Variants in SLC17A5 observed in about 807,000 individuals in gnomAD.
SLC17A5 encodes the protein sialin.
SLC17A5 carries 47 observed loss-of-function variants against 59.4 expected under a neutral mutation model. That is an observed-to-expected ratio of 0.79 (90% CI 0.63 to 1.01). SLC17A5 has a LOEUF of 1.01. Among genes scored for constraint, SLC17A5 ranks in the 50% least tolerant of loss-of-function variants. The pLI is 0.00. For missense variants in SLC17A5, 522 were observed against 595.5 expected, an observed-to-expected ratio of 0.88 and a Z score of 1.28; for synonymous variants, 202 against 210.7, an observed-to-expected ratio of 0.96 and a Z score of 0.36.
At chr6:73,612,922 C>T (rs767993189) in intron 8 of SLC17A5, among the ~76,000 whole-genome samples, 2 of 151,924 alleles carry the variant, frequency 1.3e-5, no homozygotes, top group African/African-American at 2.4e-5. Context: ...GGTGCTGTGG[C>T]GTGACCTGTA....
intron 8 of SLC17A5, among the ~76,000 whole-genome samples, chr6:73,613,464 C>G (rs546672911): frequency 6.6e-6 from 1 of 152,144 alleles, no homozygotes; most frequent in Admixed American, 6.5e-5. Context: ...CTCCTGGGTT[C>G]AAGCAATTCT....
intron 9 of SLC17A5, among the ~76,000 whole-genome samples, chr6:73,601,732 T>G (rs1581955052): frequency 4.7e-5 from 5 of 106,174 alleles, no homozygotes; most frequent in Admixed American, 9.0e-5. Flanking sequence ...GTCCGGGAGG[T>G]GAGGGGCGCC....
At chr6:73,620,292 T>G (rs1301717964) in intron 7 of SLC17A5, among the ~76,000 whole-genome samples, 1 of 152,130 alleles carries the variant, frequency 6.6e-6, no homozygotes, top group East Asian at 1.9e-4. Context: ...AATTAACCTT[T>G]CAATGCACAG....
chr6:73,632,561 G>A (rs9446958), intron 6 of SLC17A5, among the ~76,000 whole-genome samples: 23,273 of 147,680 alleles, frequency 0.16, 2,939 homozygotes, highest in African/African-American at 0.33. Flanking sequence ...TCCTGCTGCA[G>A]CCAGCCGAGT....
chr6:73,622,702 T>C (rs562936927), intron 6 of SLC17A5, among the ~76,000 whole-genome samples: 54 of 152,194 alleles, frequency 3.5e-4, no homozygotes, highest in Non-Finnish European at 7.1e-4. Flanking sequence ...TATCCAATCT[T>C]TATTCAATTG....
At chr6:73,604,825 T>C (rs943756372) in intron 9 of SLC17A5, among the ~76,000 whole-genome samples, 6 of 152,154 alleles carry the variant, frequency 3.9e-5, no homozygotes, top group African/African-American at 1.4e-4. Context: ...AAAATCCAAG[T>C]ACACATTTAT....
chr6:73,650,467 G>T (rs1414120628), intron 1 of SLC17A5, among the ~76,000 whole-genome samples: 1 of 131,410 alleles, frequency 7.6e-6, no homozygotes, highest in Non-Finnish European at 1.5e-5. Context: ...GAGATAGCGC[G>T]ACTGCAGTCC....
At chr6:73,650,082 T>A (rs1369306213) in intron 1 of SLC17A5, among the ~76,000 whole-genome samples, 1 of 151,144 alleles carries the variant, frequency 6.6e-6, no homozygotes, top group Non-Finnish European at 1.5e-5. Flanking sequence ...AGTGTTGGGC[T>A]GGGTGCTGTG....
Position 73,636,570 on chromosome 6 carries a change from A to C in SLC17A5, c.700+51T>G, listed in dbSNP as rs748623150. Reference sequence around the variant, plus strand: ...TTTAAAACATTATTAGGCTACTATTATTACATTTTGAATTTGTTACATTAT... The same window carrying C: ...TTTAAAACATTATTAGGCTACTATTCTTACATTTTGAATTTGTTACATTAT... On this transcript the variant is annotated intron_variant, in intron 5 of 10. Transcript: ENST00000355773. 4 of 1,033,346 alleles carry C rather than the reference A, an allele frequency of 3.9e-6. No individual in the cohort carries two copies. The Admixed American group carries it at 6.9e-5, about 18-fold the overall frequency. 64.0% of individuals were successfully genotyped at this position (1,033,346 alleles called of 1,614,324 possible). A position where few individuals can be genotyped will look rare whatever the true frequency, so the allele number is the denominator to read the frequency against.
At chr6:73,633,640 A>G (rs1262597864) in intron 6 of SLC17A5, among the ~76,000 whole-genome samples, 1 of 151,952 alleles carries the variant, frequency 6.6e-6, no homozygotes, top group African/African-American at 2.4e-5. Context: ...GCACTTTGGG[A>G]GGCCAAGGTG....
At chr6:73,649,437 T>C (rs187938792) in intron 1 of SLC17A5, among the ~76,000 whole-genome samples, 1 of 152,242 alleles carries the variant, frequency 6.6e-6, no homozygotes, top group East Asian at 1.9e-4. Flanking sequence ...AAACCCCATC[T>C]CTACAAAAAA....
intron 10 of SLC17A5, among the ~76,000 whole-genome samples, chr6:73,597,730 G>A (rs1280508669): frequency 6.6e-6 from 1 of 151,982 alleles, no homozygotes; most frequent in Middle Eastern, 3.2e-3. Context: ...AGGCTGCAGT[G>A]AGCCATGATT....
intron 7 of SLC17A5, among the ~76,000 whole-genome samples, chr6:73,616,171 A>G (rs960791498): frequency 8.1e-4 from 124 of 152,248 alleles, no homozygotes; most frequent in African/African-American, 2.8e-3. Context: ...GGCATGAGCC[A>G]CCGCACCCGG....
intron 2 of SLC17A5, among the ~76,000 whole-genome samples, chr6:73,642,332 A>G (rs770524311): frequency 5.9e-5 from 9 of 152,214 alleles, no homozygotes; most frequent in Admixed American, 1.3e-4. Flanking sequence ...CTTAATCCAG[A>G]AAGCTATTAA....
chr6:73,653,159 T>G (rs1159189407), intron 1 of SLC17A5: 2 of 985,434 alleles, frequency 2.0e-6, no homozygotes, highest in Non-Finnish European at 2.4e-6. Flanking sequence ...AGTCTCTTAC[T>G]GCACAATGTC....
At chr6:73,620,123 A>T (rs942023778) in intron 7 of SLC17A5, among the ~76,000 whole-genome samples, 2 of 151,912 alleles carry the variant, frequency 1.3e-5, no homozygotes, top group African/African-American at 4.8e-5. Flanking sequence ...GGGGTTTCAC[A>T]TGTTGGCCAG....
intron 7 of SLC17A5, among the ~76,000 whole-genome samples, chr6:73,621,419 G>A (rs537911389): frequency 2.0e-5 from 3 of 152,328 alleles, no homozygotes; most frequent in Admixed American, 2.0e-4. Context: ...GATTGCAGGC[G>A]TGAGCCACTA....
intron 9 of SLC17A5, among the ~76,000 whole-genome samples, chr6:73,601,069 C>T (rs1767047032): frequency 6.6e-6 from 1 of 150,690 alleles, no homozygotes; most frequent in Non-Finnish European, 1.5e-5. Context: ...AGCGTCTCTG[C>T]CCGGCCGCCA....
chr6:73,633,741 G>C (rs1009841886), intron 6 of SLC17A5, among the ~76,000 whole-genome samples: 4 of 151,814 alleles, frequency 2.6e-5, no homozygotes, highest in African/African-American at 9.7e-5. Flanking sequence ...TTAGCTGGGA[G>C]TGGTGGCATG....
Sources: gnomAD v4.1 joint callset for allele counts (sites outside exome capture counted in the v4.1 genomes callset) on GRCh38, gnomAD v4.1.1 for gene constraint, MANE v1.5 for transcripts, NCBI Gene and HGNC (gene_info 2026-07-23, HGNC 2026-07-21) for gene names.